FBXL7: variants seen among roughly 807,000 people sequenced by gnomAD.
The protein encoded by FBXL7 is F-box/LRR-repeat protein 7.
In FBXL7, 12 loss-of-function variants were observed where a neutral mutation model predicts 38.3. That is an observed-to-expected ratio of 0.31 (90% CI 0.20 to 0.51). FBXL7 has a LOEUF of 0.51. Among genes scored for constraint, FBXL7 ranks in the 20% least tolerant of loss-of-function variants. FBXL7 has a pLI of 0.98. For synonymous variants in FBXL7, 297 were observed against 300.9 expected, an observed-to-expected ratio of 0.99 and a Z score of 0.13; for missense variants, 567 against 676.4, an observed-to-expected ratio of 0.84 and a Z score of 1.79.
intron 2 of FBXL7, among the ~76,000 whole-genome samples, chr5:15,796,635 C>A (rs754628748): frequency 6.6e-6 from 1 of 152,112 alleles, no homozygotes; most frequent in Non-Finnish European, 1.5e-5. Flanking sequence ...GGTTTTATAC[C>A]CTGCCGTGAC....
chr5:15,864,319 C>CT (rs1204383794), intron 2 of FBXL7, among the ~76,000 whole-genome samples: 10 of 152,090 alleles, frequency 6.6e-5, no homozygotes, highest in African/African-American at 2.2e-4. Context: ...TCTAGAAGCC[C>CT]TGTCACTGAT....
At chr5:15,781,672 AT>A (rs1054968504) in intron 2 of FBXL7, among the ~76,000 whole-genome samples, 32 of 152,106 alleles carry the variant, frequency 2.1e-4, no homozygotes, top group Middle Eastern at 6.8e-3. Context: ...CCATAGTTTG[AT>A]TTTTTTAATA....
intron 2 of FBXL7, among the ~76,000 whole-genome samples, chr5:15,666,933 A>C (rs145502971): frequency 6.6e-6 from 1 of 152,320 alleles, no homozygotes; most frequent in Admixed American, 6.5e-5. Context: ...ATCAATTATT[A>C]GTGTGACGTC....
chr5:15,815,451 T>A (rs1737988966), intron 2 of FBXL7, among the ~76,000 whole-genome samples: 1 of 152,208 alleles, frequency 6.6e-6, no homozygotes, highest in Non-Finnish European at 1.5e-5. Flanking sequence ...CTATTGCATA[T>A]GTACAGTAGG....
chr5:15,676,467 T>C (rs1394549780), intron 2 of FBXL7, among the ~76,000 whole-genome samples: 1 of 152,212 alleles, frequency 6.6e-6, no homozygotes, highest in African/African-American at 2.4e-5. Flanking sequence ...TTCAAAAACA[T>C]CTGCAAAGGT....
At chr5:15,841,964 G>A (rs1212945371) in intron 2 of FBXL7, among the ~76,000 whole-genome samples, 2 of 152,244 alleles carry the variant, frequency 1.3e-5, no homozygotes, top group Admixed American at 6.5e-5. Flanking sequence ...CCTCTGCTAG[G>A]GCAGTGCAGA....
rs565977363 is a variant in FBXL7, at chr5:15,574,747, G to C, written c.38-41236G>C. On this transcript the variant is annotated intron_variant, in intron 1 of 3. Transcript: ENST00000504595. ...AGTATTACCCTTGGGCTTTGGGCTGGAGCGTTCTGGTAGCTACCAACCTTA... is the reference window on the plus strand; with the variant it reads ...AGTATTACCCTTGGGCTTTGGGCTGCAGCGTTCTGGTAGCTACCAACCTTA... 3.9e-5 allele frequency among the ~76,000 whole-genome samples: 6 copies of C among 152,280 alleles called. No individual in the cohort carries two copies. In the East Asian group the frequency reaches 1.2e-3, roughly 29 times the overall value.
Position 15,766,781 on chromosome 5 carries a change from C to T in FBXL7, c.127+150709C>T, listed in dbSNP as rs114371519. ...TTTTTCTCTGTCTTCACGAAACCAA[C>T]GAAATAATAGGGAGAATAATTGAAG... On this transcript the variant is annotated intron_variant, in intron 2 of 3. Coordinates refer to ENST00000504595, the MANE Select transcript of FBXL7 (RefSeq NM_012304.5). 9.3e-3 allele frequency among the ~76,000 whole-genome samples: 1,421 copies of T among 152,216 alleles called. 10 individuals carry two copies. Among genetic ancestry groups the T allele is most frequent in the Middle Eastern group, 0.02 (6 of 294 alleles).
intron 1 of FBXL7, among the ~76,000 whole-genome samples, chr5:15,554,205 G>A (rs1738167090): frequency 6.6e-6 from 1 of 152,124 alleles, no homozygotes; most frequent in Admixed American, 6.5e-5. Context: ...GCGTGGGTGA[G>A]CCGCCATCCC....
At chr5:15,794,804 T>C (rs1429790728) in intron 2 of FBXL7, among the ~76,000 whole-genome samples, 1 of 152,206 alleles carries the variant, frequency 6.6e-6, no homozygotes, top group Non-Finnish European at 1.5e-5. Context: ...AAAAAGCTAT[T>C]GTTTGCAACC....
rs1280638314 is a variant in FBXL7 at position 15,627,325 on chromosome 5, A to G, written c.127+11253A>G. 2.0e-5 allele frequency among the ~76,000 whole-genome samples: 3 copies of G among 152,270 alleles called. 1 individual carries two copies. Among genetic ancestry groups the G allele is most frequent in the South Asian group, 4.2e-4 (2 of 4,816 alleles). On this transcript the variant is annotated intron_variant, in intron 2 of 3. Transcript: ENST00000504595. ...GTGGGTGTGGGTTGGAGGAATCAGG[A>G]CACCCTCATGGAAGCCTGGGACTGT...
chr5:15,581,367 C>A (rs1739134062), intron 1 of FBXL7, among the ~76,000 whole-genome samples: 1 of 152,098 alleles, frequency 6.6e-6, no homozygotes, highest in Non-Finnish European at 1.5e-5. Flanking sequence ...CTCCATCTCC[C>A]CACCCCTCAC....
chr5:15,837,422 A>G (rs1249962510), intron 2 of FBXL7, among the ~76,000 whole-genome samples: 1 of 152,212 alleles, frequency 6.6e-6, no homozygotes, highest in African/African-American at 2.4e-5. Context: ...CATACCATCA[A>G]GAGGAAAAAA....
intron 2 of FBXL7, among the ~76,000 whole-genome samples, chr5:15,921,985 C>A (rs889436198): frequency 6.6e-6 from 1 of 151,924 alleles, no homozygotes; most frequent in African/African-American, 2.4e-5. Flanking sequence ...GGGCACATAC[C>A]CAAAGGAGAT....
chr5:15,830,459 G>A (rs1738424699), intron 2 of FBXL7, among the ~76,000 whole-genome samples: 1 of 149,112 alleles, frequency 6.7e-6, no homozygotes, highest in African/African-American at 2.5e-5. Flanking sequence ...ACTCTAGCCT[G>A]GGCGACAGAG....
At chr5:15,832,717 A>G (rs1561143860) in intron 2 of FBXL7, among the ~76,000 whole-genome samples, 2 of 152,190 alleles carry the variant, frequency 1.3e-5, no homozygotes, top group South Asian at 4.1e-4. Context: ...AGAGGGCTTC[A>G]TTCTGCAGGT....
At chr5:15,741,601 A>C (rs1225456402) in intron 2 of FBXL7, among the ~76,000 whole-genome samples, 1 of 152,222 alleles carries the variant, frequency 6.6e-6, no homozygotes, top group African/African-American at 2.4e-5. Flanking sequence ...GGTATAAAAA[A>C]AGAGTTAAAA....
At chr5:15,930,116 A>G (rs577387848) in intron 3 of FBXL7, among the ~76,000 whole-genome samples, 2 of 152,352 alleles carry the variant, frequency 1.3e-5, no homozygotes, top group African/African-American at 2.4e-5. Flanking sequence ...GTTGGCTTCA[A>G]GACAAAACCA....
chr5:15,667,075 TA>T (rs1742306905), intron 2 of FBXL7, among the ~76,000 whole-genome samples: 2 of 152,200 alleles, frequency 1.3e-5, no homozygotes, highest in South Asian at 4.1e-4. Flanking sequence ...AGAGAAACTT[TA>T]TGGGGATATA....
Sources: gnomAD v4.1 joint callset for allele counts (sites outside exome capture counted in the v4.1 genomes callset) on GRCh38, gnomAD v4.1.1 for gene constraint, MANE v1.5 for transcripts, NCBI Gene and HGNC (gene_info 2026-07-23, HGNC 2026-07-21) for gene names.